The following TRAPPC9 variants were observed in gnomAD, a reference collection of about 807,000 sequenced individuals.
TRAPPC9 encodes IKK2 binding protein.
In TRAPPC9, 83 loss-of-function variants were observed where a neutral mutation model predicts 124.0. The ratio of observed to expected loss-of-function variants is 0.67; its 90% CI spans 0.56 to 0.80. TRAPPC9 has a LOEUF of 0.80. Ranked by LOEUF, TRAPPC9 falls within the 30% of genes least tolerant of loss-of-function variation. The pLI is 0.00. For missense variants in TRAPPC9, 1,302 were observed against 1,508.3 expected (o/e 0.86, Z 2.27); for synonymous variants, 638 against 617.5 (o/e 1.03, Z -0.49).
chr8:140,324,001 C>T (rs1282725492), intron 9 of TRAPPC9, among the ~76,000 whole-genome samples: 2 of 152,150 alleles, frequency 1.3e-5, no homozygotes, highest in African/African-American at 4.8e-5. Context: ...ATTACCCTAG[C>T]GATATACGCT....
At chr8:139,809,316 G>A (rs940626132) in intron 21 of TRAPPC9, among the ~76,000 whole-genome samples, 9 of 152,094 alleles carry the variant, frequency 5.9e-5, no homozygotes, top group Non-Finnish European at 8.8e-5. Context: ...AAGTGAGCAC[G>A]GGGAATGGGA....
At chr8:139,876,212 C>T (rs1486163497) in intron 21 of TRAPPC9, among the ~76,000 whole-genome samples, 5 of 152,228 alleles carry the variant, frequency 3.3e-5, no homozygotes, top group East Asian at 1.9e-4. Context: ...AGCACCAGGA[C>T]GCAGCTCAGC....
intron 16 of TRAPPC9, among the ~76,000 whole-genome samples, chr8:140,232,950 T>C (rs1291474896): frequency 6.6e-6 from 1 of 152,194 alleles, no homozygotes; most frequent in Non-Finnish European, 1.5e-5. Context: ...TTTTAGAAAC[T>C]AGAAATTCAA....
intron 17 of TRAPPC9, among the ~76,000 whole-genome samples, chr8:140,181,166 A>G (rs1261424853): frequency 6.6e-6 from 1 of 152,092 alleles, no homozygotes; most frequent in African/African-American, 2.4e-5. Context: ...TATCTTCCAA[A>G]TTACTCTGTC....
intron 17 of TRAPPC9, among the ~76,000 whole-genome samples, chr8:140,149,852 C>T (rs541532416): frequency 1.2e-4 from 18 of 151,966 alleles, no homozygotes; most frequent in South Asian, 4.2e-4. Context: ...GTGGAGCCTA[C>T]ATGAGGTGGC....
chr8:140,387,776 G>A (rs1437501432), intron 7 of TRAPPC9, among the ~76,000 whole-genome samples: 2 of 152,152 alleles, frequency 1.3e-5, no homozygotes, highest in Non-Finnish European at 2.9e-5. Context: ...ACTGTTGGTG[G>A]GACTGTAAAC....
At chr8:139,756,457 G>A (rs1819792303) in intron 21 of TRAPPC9, among the ~76,000 whole-genome samples, 1 of 133,462 alleles carries the variant, frequency 7.5e-6, no homozygotes, top group Non-Finnish European at 1.6e-5. Context: ...GCAGGTCGCA[G>A]AAGGAGCCAG....
chr8:139,799,768 G>A (rs775324457), intron 21 of TRAPPC9, among the ~76,000 whole-genome samples: 1 of 152,202 alleles, frequency 6.6e-6, no homozygotes, highest in Non-Finnish European at 1.5e-5. Flanking sequence ...AGCGGGGCTG[G>A]GCAGCCTTGG....
chr8:139,949,490 C>T (rs183707031), intron 19 of TRAPPC9, among the ~76,000 whole-genome samples: 25 of 152,252 alleles, frequency 1.6e-4, no homozygotes, highest in South Asian at 2.1e-4. Context: ...GGGGCAGCAA[C>T]GTAAGGGTCC....
In TRAPPC9 at chr8:140,401,301, TCC is replaced by T. The variant is rs1029754722; in HGVS notation, c.1009-3558_1009-3557del. On this transcript the variant is annotated intron_variant, in intron 6 of 22. Transcript: ENST00000438773. The stretch of plus-strand genomic sequence containing the variant: ...TGTCAGAAAGGGTAGGCTTCATTCC[TCC>T]CCTTTTCCACACATATAATGTACAT... Among the ~76,000 whole-genome samples, 147 of 152,318 alleles carry T rather than the reference TCC, an allele frequency of 9.7e-4. 1 individual carries two copies. The highest frequency in any genetic ancestry group is 2.8e-4 in the Non-Finnish European group (19 of 68,040).
intron 17 of TRAPPC9, among the ~76,000 whole-genome samples, chr8:140,045,018 G>T (rs950473639): frequency 6.6e-6 from 1 of 152,174 alleles, no homozygotes; most frequent in Non-Finnish European, 1.5e-5. Context: ...AAAATAAGAT[G>T]CAGAATGAAG....
chr8:140,170,515 T>C (rs551626415), intron 17 of TRAPPC9, among the ~76,000 whole-genome samples: 41 of 152,078 alleles, frequency 2.7e-4, no homozygotes, highest in South Asian at 1.0e-3. Flanking sequence ...GGGAGAAAGG[T>C]AGAAAAATAG....
At chr8:140,277,069 G>A (rs975513887) in intron 14 of TRAPPC9, among the ~76,000 whole-genome samples, 5 of 152,170 alleles carry the variant, frequency 3.3e-5, no homozygotes, top group African/African-American at 1.2e-4. Flanking sequence ...ACACAGGATC[G>A]GAGTCGGATC....
intron 21 of TRAPPC9, among the ~76,000 whole-genome samples, chr8:139,790,205 A>G (rs532797766): frequency 3.3e-5 from 5 of 152,348 alleles, no homozygotes; most frequent in Non-Finnish European, 7.3e-5. Flanking sequence ...TTAGGCCTCA[A>G]AAACAGCCTA....
intron 19 of TRAPPC9, among the ~76,000 whole-genome samples, chr8:139,987,235 T>C (rs1032156680): frequency 2.6e-5 from 4 of 152,236 alleles, no homozygotes; most frequent in African/African-American, 9.6e-5. Flanking sequence ...TGTGACCATA[T>C]GTTTCATATT....
At chr8:139,820,237 G>C (rs539409872) in intron 21 of TRAPPC9, among the ~76,000 whole-genome samples, 1 of 151,902 alleles carries the variant, frequency 6.6e-6, no homozygotes, top group Non-Finnish European at 1.5e-5. Context: ...CTGGAGTGCG[G>C]TGGCACCATC....
chr8:140,457,256 C>T (rs1418160138), intron 1 of TRAPPC9, among the ~76,000 whole-genome samples: 1 of 152,174 alleles, frequency 6.6e-6, no homozygotes, highest in East Asian at 1.9e-4. Context: ...CCGCGGACGG[C>T]CCGGGAGGGG....
chr8:139,789,871 C>T (rs780257094), intron 21 of TRAPPC9, among the ~76,000 whole-genome samples: 30 of 152,098 alleles, frequency 2.0e-4, no homozygotes, highest in Non-Finnish European at 3.1e-4. Flanking sequence ...TTCTGTAGGC[C>T]GGCCTCAGTG....
chr8:140,100,494 G>T (rs957414558), intron 17 of TRAPPC9: 1 of 152,284 alleles, frequency 6.6e-6, no homozygotes, highest in Non-Finnish European at 1.5e-5. Flanking sequence ...CATGATCCGC[G>T]TAGTAAGGAC....
Sources: gnomAD v4.1 joint callset for allele counts (sites outside exome capture counted in the v4.1 genomes callset) on GRCh38, gnomAD v4.1.1 for gene constraint, MANE v1.5 for transcripts, NCBI Gene and HGNC (gene_info 2026-07-23, HGNC 2026-07-21) for gene names.